RORA: variants seen among roughly 807,000 people sequenced by gnomAD.
The protein encoded by RORA is nuclear receptor ROR-alpha.
In RORA, 7 loss-of-function variants were observed where a neutral mutation model predicts 69.5. The ratio of observed to expected loss-of-function variants is 0.10; its 90% confidence interval spans 0.06 to 0.19. The LOEUF (loss-of-function observed/expected upper bound fraction) is 0.19. RORA is among the 10% of genes least tolerant of loss of function. RORA has a pLI of 1.00. For missense variants in RORA, 457 were observed against 663.0 expected, an observed-to-expected ratio of 0.69 and a Z score of 3.41; for synonymous variants, 261 against 240.8, an observed-to-expected ratio of 1.08 and a Z score of -0.78.
Position 60,621,789 on chromosome 15 carries a change from T to A in RORA, c.196+56868A>T, listed in dbSNP as rs146838004. ...GGGGCCGGGCGCAGTAACTCACACC[T>A]GTAATCCCAGCACTTTGGGAGGGCG... is the stretch of plus-strand genomic sequence containing the variant. On this transcript the variant is annotated intron_variant, in intron 2 of 10. Coordinates refer to ENST00000335670, the MANE Select transcript of RORA (RefSeq NM_134261.3). Among the ~76,000 whole-genome samples the A allele has an allele frequency of 1.2e-3, 179 of 152,172 alleles. No individual in the cohort carries two copies. In the East Asian group the frequency reaches 0.031, roughly 26 times the overall value.
chr15:60,700,912 T>G, intron 1 of RORA, among the ~76,000 whole-genome samples: 1 of 152,298 alleles, frequency 6.6e-6, no homozygotes, highest in Non-Finnish European at 1.5e-5. Flanking sequence ...TTGTGCAGGT[T>G]GGTCACAGTC....
intron 1 of RORA, among the ~76,000 whole-genome samples, chr15:60,955,334 T>TGTA (rs1262387729): frequency 1.3e-5 from 2 of 152,134 alleles, no homozygotes; most frequent in Non-Finnish European, 2.9e-5. Flanking sequence ...AATTGTAACG[T>TGTA]GTATGTGTTA....
intron 3 of RORA, among the ~76,000 whole-genome samples, chr15:60,521,147 T>C (rs761699539): frequency 3.9e-5 from 6 of 152,086 alleles, no homozygotes; most frequent in Non-Finnish European, 8.8e-5. Context: ...CAGAACTATA[T>C]ATCAAACCAG....
chr15:60,973,588 C>G (rs1270378493), intron 1 of RORA, among the ~76,000 whole-genome samples: 1 of 152,230 alleles, frequency 6.6e-6, no homozygotes, highest in African/African-American at 2.4e-5. Flanking sequence ...CACTCTGAAA[C>G]TTGTAACAGT....
intron 2 of RORA, among the ~76,000 whole-genome samples, chr15:60,589,490 C>T (rs1014072902): frequency 5.3e-5 from 8 of 152,214 alleles, no homozygotes; most frequent in African/African-American, 1.7e-4. Context: ...TCCGCTGCCG[C>T]GTGACATCTG....
chr15:60,524,319 A>G (rs1595909992), intron 3 of RORA, among the ~76,000 whole-genome samples: 1 of 152,318 alleles, frequency 6.6e-6, no homozygotes, highest in East Asian at 1.9e-4. Context: ...ATATCTTTCT[A>G]AAACATCAAA....
In RORA at chr15:60,705,502, G is replaced by T. The variant is rs116253977; in HGVS notation, c.167-26816C>A. Reference sequence around the variant, plus strand: ...GGATTCAACAATTGTAGGGGCAAAAGGCCGTAAAATGAACAAACTTAGAAC... The same window carrying T: ...GGATTCAACAATTGTAGGGGCAAAATGCCGTAAAATGAACAAACTTAGAAC... On this transcript the variant is annotated intron_variant, in intron 1 of 10. Transcript: ENST00000335670. Among the ~76,000 whole-genome samples the T allele has an allele frequency of 3.5e-3, 537 of 152,264 alleles. 5 individuals are homozygous for T. The highest frequency in any genetic ancestry group is 0.012 in the African/African-American group (515 of 41,536).
chr15:60,702,991 G>A (rs905190699), intron 1 of RORA, among the ~76,000 whole-genome samples: 6 of 152,250 alleles, frequency 3.9e-5, no homozygotes, highest in Admixed American at 1.3e-4. Flanking sequence ...CCGAGTTTAG[G>A]AGCCTTGCTA....
In RORA at chr15:61,018,682, T is replaced by C. The variant is rs1243092761; in HGVS notation, c.166+210371A>G. ...TATATAACATGTGCATAGGTACTCA[T>C]GGATAAGTACAGATGTATATATGAC... On this transcript the variant is annotated intron_variant, in intron 1 of 10. Transcript: ENST00000335670. Among the ~76,000 whole-genome samples, 7 of 152,166 alleles carry C rather than the reference T, an allele frequency of 4.6e-5. No individual in the cohort carries two copies. In the East Asian group the frequency reaches 5.8e-4, roughly 13 times the overall value.
chr15:61,076,921 C>T (rs1447560599), intron 1 of RORA, among the ~76,000 whole-genome samples: 1 of 148,708 alleles, frequency 6.7e-6, no homozygotes, highest in African/African-American at 2.5e-5. Context: ...CCCCCTCTCC[C>T]TTGCTTGTTC....
At chr15:60,655,191 T>G (rs1049724754) in intron 2 of RORA, among the ~76,000 whole-genome samples, 3 of 152,140 alleles carry the variant, frequency 2.0e-5, no homozygotes, top group Non-Finnish European at 4.4e-5. Context: ...ATTTATTTAT[T>G]TTTGAGACAG....
intron 1 of RORA, among the ~76,000 whole-genome samples, chr15:60,967,711 C>T (rs1375139921): frequency 6.6e-6 from 1 of 152,184 alleles, no homozygotes; most frequent in Non-Finnish European, 1.5e-5. Flanking sequence ...AATGAGATGA[C>T]TTCTGGTTCA....
intron 1 of RORA, among the ~76,000 whole-genome samples, chr15:60,961,280 A>G (rs1175615955): frequency 6.6e-6 from 1 of 152,194 alleles, no homozygotes; most frequent in African/African-American, 2.4e-5. Flanking sequence ...TATATCTGCT[A>G]CAATGCCCTG....
intron 1 of RORA, among the ~76,000 whole-genome samples, chr15:60,806,529 AGTTGCAGTGGTAAT>A (rs1193283469): frequency 6.6e-6 from 1 of 152,296 alleles, no homozygotes; most frequent in African/African-American, 2.4e-5. Context: ...TCTCCCAGGG[AGTTGCAGTGGTAAT>A]GAGAAAAATG....
At chr15:61,137,035 G>GA (rs1468292648) in intron 1 of RORA, among the ~76,000 whole-genome samples, 1 of 116,354 alleles carries the variant, frequency 8.6e-6, no homozygotes, top group Admixed American at 8.4e-5. Flanking sequence ...AAGAAAGAAA[G>GA]AAAGAAAGAA....
At chr15:60,858,836 C>T (rs1330573271) in intron 1 of RORA, among the ~76,000 whole-genome samples, 1 of 152,104 alleles carries the variant, frequency 6.6e-6, no homozygotes, top group Non-Finnish European at 1.5e-5. Context: ...AGCTGGCTTA[C>T]AATACCCTCA....
chr15:61,182,321 C>T (rs548775375), intron 1 of RORA, among the ~76,000 whole-genome samples: 3 of 152,330 alleles, frequency 2.0e-5, no homozygotes, highest in Admixed American at 6.5e-5. Context: ...CTCAGGGTTT[C>T]CTTCCTCCAC....
At chr15:60,955,075 G>C (rs1893226193) in intron 1 of RORA, among the ~76,000 whole-genome samples, 1 of 152,138 alleles carries the variant, frequency 6.6e-6, no homozygotes, top group Non-Finnish European at 1.5e-5. Context: ...AGGCCGAGGT[G>C]GGTGGATCAT....
At chr15:60,871,181 C>A (rs1355577770) in intron 1 of RORA, among the ~76,000 whole-genome samples, 1 of 152,070 alleles carries the variant, frequency 6.6e-6, no homozygotes, top group African/African-American at 2.4e-5. Context: ...GATATCCAGG[C>A]AACAGAAGTT....
Sources: gnomAD v4.1 joint callset for allele counts (sites outside exome capture counted in the v4.1 genomes callset) on GRCh38, gnomAD v4.1.1 for gene constraint, MANE v1.5 for transcripts, NCBI Gene and HGNC (gene_info 2026-07-23, HGNC 2026-07-21) for gene names.